Variants in BCORL1 observed in about 807,000 individuals in gnomAD.
BCORL1 encodes the protein BCL-6 corepressor-like protein 1.
A neutral mutation model predicts 87.6 loss-of-function variants in BCORL1; 7 were observed. That is an observed-to-expected ratio of 0.08 (90% CI 0.05 to 0.15). The LOEUF (loss-of-function observed/expected upper bound fraction) is 0.15. Ranked by LOEUF, BCORL1 falls within the 10% of genes least tolerant of loss-of-function variation. The pLI is 1.00. For synonymous variants in BCORL1, 591 were observed against 634.4 expected (o/e 0.93, Z 1.03); for missense variants, 1,215 against 1,499.7 (o/e 0.81, Z 3.13).
chrX:130,055,162 C>G (rs1932296571), intron 13 of BCORL1, among the ~76,000 whole-genome samples: 1 of 112,177 alleles, frequency 8.9e-6, no homozygotes, highest in Non-Finnish European at 1.9e-5. Context: ...CGGGATCGGC[C>G]TCTCCAGCAC....
At chrX:130,046,259 C>T (rs917041115) in intron 11 of BCORL1, among the ~76,000 whole-genome samples, 2 of 111,451 alleles carry the variant, frequency 1.8e-5, no homozygotes, top group Non-Finnish European at 3.8e-5. Flanking sequence ...TGCACTCCAG[C>T]CTGGGTGACA....
In BCORL1 at chrX:130,014,988, A is replaced by C; in HGVS notation, c.2216A>C (p.Asn739Thr). The change falls in exon 4 of 14, where the codon AAC (asparagine) becomes ACC (threonine). Residue 739 changes from asparagine (N) to threonine (T), a missense_variant. Around this residue, in one of 5 missense-constraint regions of BCORL1, gnomAD observed 861 missense variants for 1,010.0 expected, o/e 0.85. Coordinates refer to ENST00000540052, the MANE Select transcript of BCORL1 (RefSeq NM_001379451.1). The part of the protein sequence containing the change: ...LLNKDPNLGL[N>T]RDPRHLPKQE... The stretch of plus-strand genomic sequence containing the variant: ...AACAAAGACCCCAACCTGGGCCTCA[A>C]CCGTGACCCCCGCCATCTCCCCAAG... The C allele has an allele frequency of 1.7e-6, 2 of 1,211,572 alleles. No individual in the cohort carries two copies. Among genetic ancestry groups the C allele is most frequent in the South Asian group, 3.5e-5 (2 of 56,955 alleles).
chrX:130,027,121 G>A (rs1029233967), intron 7 of BCORL1, among the ~76,000 whole-genome samples: 1 of 112,941 alleles, frequency 8.9e-6, no homozygotes, highest in Non-Finnish European at 1.9e-5. Flanking sequence ...ATAAACACCC[G>A]AGCCTGCCCT....
intron 2 of BCORL1, among the ~76,000 whole-genome samples, chrX:130,008,170 T>C (rs112261427): frequency 0.012 from 1,287 of 111,298 alleles, 17 homozygotes; most frequent in African/African-American, 0.032. Flanking sequence ...TCTGTCTGCC[T>C]TGGCCTCCAA....
chrX:130,021,708 C>A (rs1174631590), intron 5 of BCORL1, among the ~76,000 whole-genome samples: 1 of 111,507 alleles, frequency 9.0e-6, no homozygotes, highest in Non-Finnish European at 1.9e-5. Context: ...GGGAGAGAAT[C>A]CCCAGCATTC....
At chrX:130,032,572 CAG>C (rs1426485989) in intron 8 of BCORL1, among the ~76,000 whole-genome samples, 2 of 110,947 alleles carry the variant, frequency 1.8e-5, no homozygotes, top group Non-Finnish European at 3.8e-5. Context: ...GCATGAAGAT[CAG>C]GGGATCACTG....
At chrX:130,052,259 A>G (rs1932121647) in intron 13 of BCORL1, among the ~76,000 whole-genome samples, 2 of 112,481 alleles carry the variant, frequency 1.8e-5, no homozygotes, top group Admixed American at 9.4e-5. Context: ...CTTTTTTTGC[A>G]CTATTACTGG....
Position 130,005,181 on chromosome X carries a change from T to C in BCORL1, c.-44-7T>C. 9.3e-7 allele frequency: 1 copy of C among 1,078,539 alleles called. No individual in the cohort carries two copies. The highest frequency in any genetic ancestry group is 3.1e-5 in the East Asian group (1 of 32,395). The allele number at this position is 1,078,539 out of a possible 1,213,427, so 88.9% of individuals were successfully genotyped here. The stretch of plus-strand genomic sequence containing the variant: ...GAGTTTTGATTTTCTGGAATTCTTT[T>C]CCCCAGGGGGAGTGGCCACAGCAGG... On this transcript the variant is annotated splice_polypyrimidine_tract_variant and splice_region_variant and intron_variant, in intron 1 of 13. Transcript: ENST00000540052.
chrX:130,005,199 A>G lies in BCORL1; in HGVS notation c.-33A>G. 8.6e-7 allele frequency: 1 copy of G among 1,165,012 alleles called. No homozygotes were observed. Among genetic ancestry groups the G allele is most frequent in the Middle Eastern group, 2.4e-4 (1 of 4,191 alleles). ...ATTCTTTTCCCCAGGGGGAGTGGCCACAGCAGGTCCTATCTGGTGGTGAGT... is the reference window on the plus strand; with the variant it reads ...ATTCTTTTCCCCAGGGGGAGTGGCCGCAGCAGGTCCTATCTGGTGGTGAGT... On this transcript the variant is annotated 5_prime_UTR_variant, in exon 2 of 14. Transcript: ENST00000540052.
chrX:130,031,288 G>C (rs1356581270), intron 8 of BCORL1, among the ~76,000 whole-genome samples: 1 of 112,501 alleles, frequency 8.9e-6, no homozygotes, highest in Non-Finnish European at 1.9e-5. Context: ...TCCTGCTAGG[G>C]CTTGTACCTC....
intron 12 of BCORL1, among the ~76,000 whole-genome samples, chrX:130,051,391 A>C (rs142330118): frequency 8.9e-6 from 1 of 112,877 alleles, no homozygotes; most frequent in East Asian, 2.8e-4. Context: ...TCAGGATGGA[A>C]TGCAACTGGC....
At chrX:130,043,762 ATATATATATATATATATATATAT>A (rs1931508907) in intron 11 of BCORL1, among the ~76,000 whole-genome samples, 1 of 14,366 alleles carries the variant, frequency 7.0e-5, no homozygotes, top group Non-Finnish European at 1.0e-4. Context: ...ATATATATAT[ATATATATATATATATATATATAT>A]TTTTTTTTTT....
rs773784003 is a variant in BCORL1 at position 130,035,219 on chromosome X, C to T, written c.4527+543C>T. Among the ~76,000 whole-genome samples, 3 of 111,898 alleles carry T rather than the reference C, an allele frequency of 2.7e-5. No homozygotes were observed. In the East Asian group the frequency reaches 8.4e-4, roughly 31 times the overall value. On this transcript the variant is annotated intron_variant, in intron 9 of 13. Transcript: ENST00000540052. ...TGTATCATTTAATCTCACAGTAAGC[C>T]GATGGAGTAGATTTATTATCCCCAT...
chrX:130,015,407 G>C lies in BCORL1; in HGVS notation c.2635G>C (p.Glu879Gln), dbSNP rs754027834. 2 of 1,210,958 alleles carry C rather than the reference G, an allele frequency of 1.7e-6. No individual in the cohort carries two copies. Among genetic ancestry groups the C allele is most frequent in the Non-Finnish European group, 2.2e-6 (2 of 895,405 alleles). The change falls in exon 4 of 14, where the codon GAA becomes CAA. Residue 879 changes from glutamate (E) to glutamine (Q), a missense_variant. Coordinates refer to ENST00000540052, the MANE Select transcript of BCORL1 (RefSeq NM_001379451.1). ...TGGTGTGCCATCTCTCAGCTCCAGC[G>C]AAGCCGTGCACGGACTTCCTGAGGG... ...FSGVPSLSSS[E>Q]AVHGLPEGQP...
chrX:130,008,712 C>T (rs1928714935), intron 2 of BCORL1, among the ~76,000 whole-genome samples: 1 of 111,940 alleles, frequency 8.9e-6, no homozygotes, highest in African/African-American at 3.2e-5. Flanking sequence ...TTTTCCTTGG[C>T]CCTTTACAAC....
chrX:129,980,579 C>T (rs1926029813), upstream of BCORL1, among the ~76,000 whole-genome samples: 1 of 112,313 alleles, frequency 8.9e-6, no homozygotes, highest in Non-Finnish European at 1.9e-5. Flanking sequence ...GACCCGGACC[C>T]GGACCGCGCG....
intron 1 of BCORL1, among the ~76,000 whole-genome samples, chrX:129,987,446 G>A (rs1926725189): frequency 8.9e-6 from 1 of 112,168 alleles, no homozygotes; most frequent in Non-Finnish European, 1.9e-5. Flanking sequence ...CCAGGAAGCA[G>A]AGGTTAGCTG....
In BCORL1 at chrX:129,988,553, T is replaced by C. The variant is rs146394231; in HGVS notation, c.-45+5791T>C. On this transcript the variant is annotated intron_variant, in intron 1 of 13. Coordinates refer to ENST00000540052, the MANE Select transcript of BCORL1 (RefSeq NM_001379451.1). The stretch of plus-strand genomic sequence containing the variant: ...GAATTATGATGAATTTGAATACAGC[T>C]GATATATTATTTGTAAAATGTGGTA... Among the ~76,000 whole-genome samples, 608 of 111,897 alleles carry C rather than the reference T, an allele frequency of 5.4e-3. 4 individuals carry two copies. Among genetic ancestry groups the C allele is most frequent in the African/African-American group, 0.019 (575 of 30,816 alleles).
At chrX:130,053,239 C>A (rs1932172304) in intron 13 of BCORL1, among the ~76,000 whole-genome samples, 1 of 111,307 alleles carries the variant, frequency 9.0e-6, no homozygotes, top group Non-Finnish European at 1.9e-5. Context: ...AAGTGAGAGC[C>A]TCTGTTTAGG....
Sources: allele counts gnomAD v4.1 joint callset (sites outside exome capture counted in the v4.1 genomes callset), GRCh38; gene constraint gnomAD v4.1.1; regional missense constraint gnomAD v4.1.1; transcripts MANE v1.5; gene names NCBI Gene and HGNC (gene_info 2026-07-23, HGNC 2026-07-21).